ARK2N: variants seen among roughly 807,000 people sequenced by gnomAD.
ARK2N encodes arkadia (RNF111) N-terminal like PKA signaling regulator 2N.
the ARK2N span, among the ~76,000 whole-genome samples, chr18:46,192,624 T>A: frequency 6.7e-6 from 1 of 149,458 alleles, no homozygotes; most frequent in African/African-American, 2.5e-5. Flanking sequence ...CACGCCGGAG[T>A]GATGTGATCT....
chr18:46,230,649 A>G, the ARK2N span, among the ~76,000 whole-genome samples: 1 of 152,200 alleles, frequency 6.6e-6, no homozygotes, highest in Admixed American at 6.5e-5. Context: ...TGTCTAATCT[A>G]TCAGATAATT....
At chr18:46,187,196 C>T in the ARK2N span, among the ~76,000 whole-genome samples, 16 of 149,532 alleles carry the variant, frequency 1.1e-4, no homozygotes, top group African/African-American at 2.9e-4. Context: ...ACAGGAGAAT[C>T]GCTTGAACCC....
At chr18:46,255,742 C>T in the ARK2N span, among the ~76,000 whole-genome samples, 10 of 151,744 alleles carry the variant, frequency 6.6e-5, no homozygotes, top group Non-Finnish European at 1.2e-4. Flanking sequence ...TGAGCCACCG[C>T]GCTTGGCCTC....
At chr18:46,245,076 C>A in the ARK2N span, among the ~76,000 whole-genome samples, 1 of 152,110 alleles carries the variant, frequency 6.6e-6, no homozygotes, top group African/African-American at 2.4e-5. Context: ...ATTACAGGTA[C>A]CCGTCACCAC....
At chr18:46,188,791 T>A in the ARK2N span, among the ~76,000 whole-genome samples, 1 of 152,128 alleles carries the variant, frequency 6.6e-6, no homozygotes, top group Non-Finnish European at 1.5e-5. Flanking sequence ...GGCCGGGGGA[T>A]CACTTGAGCC....
chr18:46,232,519 T>TA, the ARK2N span: 2 of 152,204 alleles, frequency 1.3e-5, no homozygotes, highest in African/African-American at 2.4e-5. Flanking sequence ...CTAGTACAGA[T>TA]AAAAAACATG....
chr18:46,202,031 G>C, the ARK2N span, among the ~76,000 whole-genome samples: 1 of 152,106 alleles, frequency 6.6e-6, no homozygotes, highest in Non-Finnish European at 1.5e-5. Flanking sequence ...ACCTTCCTCA[G>C]CCTCCCAAAG....
the ARK2N span, among the ~76,000 whole-genome samples, chr18:46,234,828 C>T: frequency 6.6e-6 from 1 of 152,102 alleles, no homozygotes; most frequent in African/African-American, 2.4e-5. Flanking sequence ...CTTTTGACAG[C>T]AACAAGACAG....
chr18:46,193,740 A>G, the ARK2N span, among the ~76,000 whole-genome samples: 3 of 151,154 alleles, frequency 2.0e-5, no homozygotes, highest in African/African-American at 7.3e-5. Flanking sequence ...CTGGGATTAC[A>G]AGTGCATGCC....
At chr18:46,220,863 C>T in the ARK2N span, among the ~76,000 whole-genome samples, 1 of 152,112 alleles carries the variant, frequency 6.6e-6, no homozygotes, top group East Asian at 1.9e-4. Context: ...AAGCTGAGTG[C>T]GATGGCTCAC....
At chr18:46,187,480 T>G in the ARK2N span, among the ~76,000 whole-genome samples, 1 of 151,760 alleles carries the variant, frequency 6.6e-6, no homozygotes, top group Non-Finnish European at 1.5e-5. Flanking sequence ...TAGCTGAGAT[T>G]ACAGGTGCAC....
the ARK2N span, among the ~76,000 whole-genome samples, chr18:46,226,129 T>C: frequency 2.0e-5 from 3 of 152,268 alleles, no homozygotes; most frequent in African/African-American, 7.2e-5. Context: ...CACATGTCAT[T>C]TAATAATCTA....
At chr18:46,193,114 CTGAGA>C in the ARK2N span, among the ~76,000 whole-genome samples, 1 of 151,926 alleles carries the variant, frequency 6.6e-6, no homozygotes, top group African/African-American at 2.4e-5. Context: ...TGCAAGTGAG[CTGAGA>C]TTGCACCACT....
At chr18:46,212,732 T>C in the ARK2N span, among the ~76,000 whole-genome samples, 3 of 152,192 alleles carry the variant, frequency 2.0e-5, no homozygotes, top group African/African-American at 4.8e-5. Context: ...TTGAATGATG[T>C]GCCATATTGT....
chr18:46,264,353 C>T, the ARK2N span: 1 of 152,630 alleles, frequency 6.6e-6, no homozygotes, highest in African/African-American at 2.4e-5. Flanking sequence ...CTTTTAAAAG[C>T]AATACCTAGA....
chr18:46,204,351 C>T, the ARK2N span, among the ~76,000 whole-genome samples: 1 of 147,826 alleles, frequency 6.8e-6, no homozygotes, highest in Non-Finnish European at 1.5e-5. Context: ...ACCTGTTAGG[C>T]TTTCTTTTTT....
At chr18:46,201,085 C>A in the ARK2N span, among the ~76,000 whole-genome samples, 3 of 150,410 alleles carry the variant, frequency 2.0e-5, no homozygotes, top group South Asian at 6.3e-4. Flanking sequence ...TTCAAGTGAT[C>A]CTCCTACCTC....
chr18:46,191,573 C>T, the ARK2N span, among the ~76,000 whole-genome samples: 1 of 152,110 alleles, frequency 6.6e-6, no homozygotes, highest in African/African-American at 2.4e-5. Flanking sequence ...AACCAAATAA[C>T]AGTTCTGTGG....
the ARK2N span, among the ~76,000 whole-genome samples, chr18:46,240,947 A>T: frequency 6.6e-6 from 1 of 152,184 alleles, no homozygotes. Flanking sequence ...TTAAGAAGAG[A>T]AGGGGATTGA....
Sources: gnomAD v4.1 joint callset for allele counts (sites outside exome capture counted in the v4.1 genomes callset) on GRCh38, gnomAD v4.1.1 for gene constraint, MANE v1.5 for transcripts, NCBI Gene and HGNC (gene_info 2026-07-23, HGNC 2026-07-21) for gene names.